Variants in SNX3 observed in about 807,000 individuals in gnomAD.
SNX3 encodes sorting nexin-3.
In SNX3, 5 loss-of-function variants were observed where a neutral mutation model predicts 17.7. The observed-to-expected ratio is 0.28, with a 90% CI of 0.15 to 0.59. The LOEUF (loss-of-function observed/expected upper bound fraction) is 0.59, where lower values mean the gene tolerates loss of function less well. SNX3 is among the 20% of genes least tolerant of loss of function. The pLI is 0.88. For missense variants in SNX3, 132 were observed against 206.8 expected (o/e 0.64, Z 2.22); for synonymous variants, 91 against 76.5 (o/e 1.19, Z -0.99).
chr6:108,238,196 C>CA lies in SNX3; in HGVS notation c.163-15152dup, dbSNP rs879537780. On this transcript the variant is annotated intron_variant, in intron 1 of 3. Coordinates refer to ENST00000230085, the MANE Select transcript of SNX3 (RefSeq NM_003795.6). ...ATCTACCATGAACTAAGTACATGAA[C>CA]ATTGTCCCTGCATTAGCTGATTTTA... Among the ~76,000 whole-genome samples the CA allele has an allele frequency of 4.1e-4, 61 of 150,102 alleles. 1 individual carries two copies. The highest frequency in any genetic ancestry group is 3.1e-4 in the Non-Finnish European group (21 of 67,802).
intron 1 of SNX3, among the ~76,000 whole-genome samples, chr6:108,227,825 TTTG>T (rs975025838): frequency 3.0e-4 from 45 of 151,970 alleles, no homozygotes; most frequent in African/African-American, 8.0e-4. Context: ...GTTTTTTTTT[TTTG>T]TTGTTGTTGT....
intron 2 of SNX3, among the ~76,000 whole-genome samples, chr6:108,222,038 T>A (rs1774794419): frequency 6.6e-6 from 1 of 152,132 alleles, no homozygotes; most frequent in African/African-American, 2.4e-5. Context: ...ATTATAGGCA[T>A]GAGCCACCAT....
At chr6:108,259,263 T>C (rs9400220) in intron 1 of SNX3, among the ~76,000 whole-genome samples, 40,144 of 152,158 alleles carry the variant, frequency 0.26, 7,477 homozygotes, top group African/African-American at 0.51. Flanking sequence ...GAAGGGATTT[T>C]GCTCTTGTTG....
intron 1 of SNX3, among the ~76,000 whole-genome samples, chr6:108,226,257 T>C (rs1774970949): frequency 6.6e-6 from 1 of 152,044 alleles, no homozygotes; most frequent in East Asian, 1.9e-4. Flanking sequence ...GTACTTTTGG[T>C]GAGACAGGGT....
intron 1 of SNX3, among the ~76,000 whole-genome samples, chr6:108,234,354 A>C (rs1775260917): frequency 6.6e-6 from 1 of 152,008 alleles, no homozygotes. Context: ...GGAGTTCAAG[A>C]CCAGCCTGGC....
chr6:108,231,064 C>T (rs1048845487), intron 1 of SNX3, among the ~76,000 whole-genome samples: 5 of 150,584 alleles, frequency 3.3e-5, no homozygotes, highest in East Asian at 1.9e-4. Context: ...CATCCTAGCG[C>T]GCTACAGGCA....
At chr6:108,242,612 T>C (rs1241576380) in intron 1 of SNX3, among the ~76,000 whole-genome samples, 2 of 152,214 alleles carry the variant, frequency 1.3e-5, no homozygotes, top group African/African-American at 4.8e-5. Flanking sequence ...CCCCTTGGCA[T>C]ACACACCTCC....
intron 1 of SNX3, among the ~76,000 whole-genome samples, chr6:108,243,119 G>C (rs1562434862): frequency 6.6e-6 from 1 of 152,064 alleles, no homozygotes; most frequent in Non-Finnish European, 1.5e-5. Context: ...TTAAGAGACA[G>C]CGTCTTGCTT....
chr6:108,238,919 G>A (rs1257120003), intron 1 of SNX3, among the ~76,000 whole-genome samples: 1 of 125,138 alleles, frequency 8.0e-6, no homozygotes, highest in Admixed American at 8.1e-5. Context: ...TTTTTTTTTT[G>A]GAGACAGAGT....
chr6:108,256,210 G>C (rs1776023542), intron 1 of SNX3, among the ~76,000 whole-genome samples: 1 of 152,172 alleles, frequency 6.6e-6, no homozygotes, highest in Admixed American at 6.5e-5. Flanking sequence ...TAGGCTGAGA[G>C]ACAGAGGGAG....
chr6:108,252,590 T>C (rs576130016), intron 1 of SNX3: 1 of 152,302 alleles, frequency 6.6e-6, no homozygotes, highest in African/African-American at 2.4e-5. Flanking sequence ...TTTCCTACTA[T>C]AAAATCTTCT....
At position 108,211,402 on chromosome 6, in the gene SNX3, G is replaced by A. The variant is rs980249680; in HGVS notation, c.*747C>T. On this transcript the variant is annotated 3_prime_UTR_variant, in exon 4 of 4. Coordinates refer to ENST00000230085, the MANE Select transcript of SNX3 (RefSeq NM_003795.6). The stretch of plus-strand genomic sequence containing the variant: ...TATTTGATATCACCACTGTTTAAAG[G>A]GAATGGAGTTACAGGAATGAGAAGT... 2.0e-5 allele frequency: 3 copies of A among 152,058 alleles called. No individual in the cohort carries two copies. Among genetic ancestry groups the A allele is most frequent in the Non-Finnish European group, 2.9e-5 (2 of 68,004 alleles). The allele number at this position is 152,058 out of a possible 1,614,324, so 9.4% of individuals were successfully genotyped here. A position where few individuals can be genotyped will look rare whatever the true frequency, so the allele number is the denominator to read the frequency against.
intron 2 of SNX3, among the ~76,000 whole-genome samples, chr6:108,220,553 G>C (rs533394749): frequency 1.3e-5 from 2 of 152,220 alleles, no homozygotes; most frequent in South Asian, 4.1e-4. Flanking sequence ...ACACCACCTG[G>C]GTTTGTGTGA....
rs117614552 is a variant in SNX3, at chr6:108,228,957, T to C, written c.163-5912A>G. On this transcript the variant is annotated intron_variant, in intron 1 of 3. Coordinates refer to ENST00000230085, the MANE Select transcript of SNX3 (RefSeq NM_003795.6). ...TTAATCAGAAAAGCTGTCTAGAATG[T>C]ATGACATGTAAAAAGTTTCAGGCTG... 3.2e-4 allele frequency among the ~76,000 whole-genome samples: 48 copies of C among 152,234 alleles called. 1 individual carries two copies. The East Asian group carries it at 7.5e-3, about 24-fold the overall frequency.
intron 1 of SNX3, among the ~76,000 whole-genome samples, chr6:108,235,803 C>T (rs75220595): frequency 6.6e-6 from 1 of 151,884 alleles, no homozygotes; most frequent in Non-Finnish European, 1.5e-5. Context: ...GGCTGAGGCA[C>T]AAGAATCACA....
intron 1 of SNX3, among the ~76,000 whole-genome samples, chr6:108,244,117 G>A (rs962733920): frequency 2.0e-5 from 3 of 152,016 alleles, no homozygotes; most frequent in Admixed American, 6.6e-5. Context: ...TTGATAGTTT[G>A]AAGGGAAAGA....
chr6:108,229,603 T>A (rs1201430239), intron 1 of SNX3, among the ~76,000 whole-genome samples: 1 of 152,130 alleles, frequency 6.6e-6, no homozygotes, highest in Non-Finnish European at 1.5e-5. Context: ...TTGTTTGTTT[T>A]TGAGACAGAG....
chr6:108,252,033 C>G (rs1300631739), intron 1 of SNX3, among the ~76,000 whole-genome samples: 2 of 150,602 alleles, frequency 1.3e-5, no homozygotes, highest in Non-Finnish European at 2.9e-5. Context: ...CTATTGCACT[C>G]CAGCCTGGGC....
At chr6:108,219,568 G>A (rs759506216) in intron 2 of SNX3, among the ~76,000 whole-genome samples, 45 of 152,148 alleles carry the variant, frequency 3.0e-4, no homozygotes, top group Admixed American at 5.9e-4. Flanking sequence ...CTATGATCAC[G>A]CCACCGCATT....
Sources: allele counts gnomAD v4.1 joint callset (sites outside exome capture counted in the v4.1 genomes callset), GRCh38; gene constraint gnomAD v4.1.1; transcripts MANE v1.5; gene names NCBI Gene and HGNC (gene_info 2026-07-23, HGNC 2026-07-21).